C1QTNF3: variants seen among roughly 807,000 people sequenced by gnomAD.
C1QTNF3 encodes C1q and TNF related 3.
A neutral mutation model predicts 32.6 loss-of-function variants in C1QTNF3; 26 were observed. The ratio of observed to expected loss-of-function variants is 0.80; its 90% CI spans 0.58 to 1.11. The LOEUF (loss-of-function observed/expected upper bound fraction) is 1.11, where lower values mean the gene tolerates loss of function less well. C1QTNF3 is among the 50% of genes least tolerant of loss of function. The probability of loss-of-function intolerance (pLI) is 0.00; values close to 1 mark genes in which losing one functional copy is unlikely to be tolerated. For missense variants in C1QTNF3, 362 were observed against 398.2 expected (o/e 0.91, Z 0.77); for synonymous variants, 155 against 146.0 (o/e 1.06, Z -0.44).
At chr5:34,162,469 T>C in the C1QTNF3 span, among the ~76,000 whole-genome samples, 130 of 152,184 alleles carry the variant, frequency 8.5e-4, 1 homozygote, top group South Asian at 0.016. Flanking sequence ...CACATAAACT[T>C]TGGGGGACAC....
Position 34,035,757 on chromosome 5 carries a change from G to A in C1QTNF3, c.305C>T (p.Ser102Phe), listed in dbSNP as rs781508263. The A allele has an allele frequency of 2.1e-5, 33 of 1,606,812 alleles. No individual in the cohort carries two copies. The highest frequency in any genetic ancestry group is 2.8e-5 in the Non-Finnish European group (33 of 1,175,330). The change falls in exon 2 of 6, where the codon TCT (serine) becomes TTT (phenylalanine). Residue 102 changes from serine to phenylalanine, a missense_variant and splice_region_variant. Coordinates refer to ENST00000382065, the MANE Select transcript of C1QTNF3 (RefSeq NM_181435.6). Reference sequence around the variant, plus strand: ...TGGGGGTAGTCCTCCGGTTTGTGGAGACTAAAAAGACAGAAAGAGAAGCTT... The same window carrying A: ...TGGGGGTAGTCCTCCGGTTTGTGGAAACTAAAAAGACAGAAAGAGAAGCTT... Reference protein sequence around the residue: ...LAQITTFWGQSPQTGGLPPDC... With the variant: ...LAQITTFWGQFPQTGGLPPDC...
the C1QTNF3 span, among the ~76,000 whole-genome samples, chr5:34,078,579 A>G: frequency 6.6e-6 from 1 of 151,626 alleles, no homozygotes; most frequent in African/African-American, 2.4e-5. This position sits in a 1 kb window ranked among gnomAD's most constrained non-coding sequence, Gnocchi z 4.0. Context: ...ATCACCTCCC[A>G]GCAGGTTTCT....
chr5:34,117,601 GC>G, the C1QTNF3 span, among the ~76,000 whole-genome samples: 2 of 151,894 alleles, frequency 1.3e-5, no homozygotes, highest in Non-Finnish European at 2.9e-5. Flanking sequence ...TTGGAGACCA[GC>G]CTGACCATCA....
the C1QTNF3 span, among the ~76,000 whole-genome samples, chr5:34,234,040 G>A: frequency 6.6e-6 from 1 of 152,028 alleles, no homozygotes; most frequent in Non-Finnish European, 1.5e-5. Flanking sequence ...AGAATCAAAT[G>A]AGATAAACAT....
the C1QTNF3 span, among the ~76,000 whole-genome samples, chr5:34,237,074 G>C: frequency 6.6e-6 from 1 of 152,176 alleles, no homozygotes; most frequent in Admixed American, 6.5e-5. Flanking sequence ...CATGGTGTCA[G>C]ATATAGAGAA....
the C1QTNF3 span, among the ~76,000 whole-genome samples, chr5:34,164,526 G>A: frequency 2.0e-5 from 3 of 151,362 alleles, no homozygotes; most frequent in Admixed American, 2.0e-4. Context: ...TTATATTATG[G>A]AAAAGAAAAA....
At chr5:34,200,817 C>A in the C1QTNF3 span, 11 of 152,116 alleles carry the variant, frequency 7.2e-5, no homozygotes, top group Admixed American at 7.2e-4. Context: ...GCAATTTTGT[C>A]TACCTGGAAG....
At chr5:34,124,402 G>A in the C1QTNF3 span, 1 of 715,716 alleles carries the variant, frequency 1.4e-6, no homozygotes, top group Admixed American at 2.0e-5. Flanking sequence ...AGGCTGTGTA[G>A]GAAGCATAGT....
At chr5:34,197,355 C>G in the C1QTNF3 span, among the ~76,000 whole-genome samples, 3 of 97,108 alleles carry the variant, frequency 3.1e-5, no homozygotes, top group African/African-American at 1.2e-4. Flanking sequence ...AAGTACGATA[C>G]AAGGGTAATA....
chr5:34,148,098 C>CG, the C1QTNF3 span, among the ~76,000 whole-genome samples: 3 of 150,790 alleles, frequency 2.0e-5, no homozygotes, highest in Non-Finnish European at 4.4e-5. Flanking sequence ...GGGTGACGGA[C>CG]GCACCTGGAA....
the C1QTNF3 span, among the ~76,000 whole-genome samples, chr5:34,053,593 C>G: frequency 6.6e-5 from 10 of 152,200 alleles, no homozygotes; most frequent in Admixed American, 6.5e-5. Context: ...TTTTATGCAC[C>G]TAACCGGCAT....
the C1QTNF3 span, among the ~76,000 whole-genome samples, chr5:34,227,431 T>A: frequency 6.6e-6 from 1 of 152,048 alleles, no homozygotes; most frequent in Non-Finnish European, 1.5e-5. Context: ...TATATTTCAT[T>A]GTATTAAATG....
the C1QTNF3 span, among the ~76,000 whole-genome samples, chr5:34,056,454 G>GTATA: frequency 2.9e-3 from 140 of 48,772 alleles, 1 homozygote; most frequent in Non-Finnish European, 3.1e-3. Context: ...GTGTGTGTGT[G>GTATA]TATATATATA....
the C1QTNF3 span, among the ~76,000 whole-genome samples, chr5:34,132,443 A>G: frequency 3.3e-5 from 1 of 30,658 alleles, no homozygotes; most frequent in African/African-American, 6.7e-5. Context: ...ATGTATATAT[A>G]TATATATATA....
chr5:34,027,749 A>G (rs1321978400), intron 4 of C1QTNF3, among the ~76,000 whole-genome samples: 2 of 151,410 alleles, frequency 1.3e-5, no homozygotes, highest in Non-Finnish European at 2.9e-5. Flanking sequence ...AAAAAAAAAA[A>G]AAAAAAGCAA....
chr5:34,229,934 C>T, the C1QTNF3 span, among the ~76,000 whole-genome samples: 1 of 152,208 alleles, frequency 6.6e-6, no homozygotes, highest in East Asian at 1.9e-4. Context: ...TAGACCACCT[C>T]CCACCCAACC....
chr5:34,025,244 AT>A (rs1754431617), intron 4 of C1QTNF3, among the ~76,000 whole-genome samples: 1 of 152,236 alleles, frequency 6.6e-6, no homozygotes, highest in East Asian at 1.9e-4. Context: ...AGTTTTTCAC[AT>A]TTTACAAAAT....
chr5:34,032,318 AG>A (rs1357080089), intron 3 of C1QTNF3, among the ~76,000 whole-genome samples: 1 of 152,196 alleles, frequency 6.6e-6, no homozygotes, highest in Non-Finnish European at 1.5e-5. Flanking sequence ...TAAAAGAGAG[AG>A]AAAGAATAGG....
the C1QTNF3 span, among the ~76,000 whole-genome samples, chr5:34,217,257 A>T: frequency 6.6e-6 from 1 of 152,178 alleles, no homozygotes; most frequent in Non-Finnish European, 1.5e-5. Flanking sequence ...AGGTTGGTAC[A>T]AAAGGCATTG....
Sources: allele counts gnomAD v4.1 joint callset (sites outside exome capture counted in the v4.1 genomes callset), GRCh38; gene constraint gnomAD v4.1.1; non-coding constraint Gnocchi (gnomAD v3.1); transcripts MANE v1.5; gene names NCBI Gene and HGNC (gene_info 2026-07-23, HGNC 2026-07-21).